Variants in COL2A1 observed in about 807,000 individuals in gnomAD.
The protein encoded by COL2A1 is collagen type II alpha 1 chain, also known as collagen alpha-1(II) chain.
COL2A1 carries 28 observed loss-of-function variants against 204.5 expected under a neutral mutation model. The observed-to-expected ratio is 0.14, with a 90% CI of 0.10 to 0.19. The LOEUF (loss-of-function observed/expected upper bound fraction) is 0.19, where lower values mean the gene tolerates loss of function less well. Among genes scored for constraint, COL2A1 ranks in the 10% least tolerant of loss-of-function variants. COL2A1 has a pLI of 1.00. For synonymous variants in COL2A1, 708 were observed against 718.7 expected (o/e 0.99, Z 0.24); for missense variants, 1,388 against 2,027.5 (o/e 0.68, Z 6.06).
rs906963357 is a variant in COL2A1, at chr12:47,976,161, A to C, written c.3490-91T>G. The C allele has an allele frequency of 1.6e-3, 1,361 of 868,916 alleles. No homozygotes were observed. Among genetic ancestry groups the C allele is most frequent in the Admixed American group, 5.5e-3 (298 of 54,420 alleles). 53.8% of individuals were successfully genotyped at this position (868,916 alleles called of 1,614,324 possible). On this transcript the variant is annotated intron_variant, in intron 49 of 53. Transcript: ENST00000380518. The surrounding 1 kb of genome is among the most constrained non-coding windows in gnomAD (Gnocchi z 4.3). ...CTGGGTAGGTGGCTGTCCTGATAGC[A>C]CCAGCCACTCCGCCCCCAGTTCTTC...
intron 50 of COL2A1, 98 bp from the exon 51 acceptor site, chr12:47,975,703 A>T (rs896437532): frequency 2.9e-6 from 4 of 1,366,322 alleles, no homozygotes; most frequent in Non-Finnish European, 3.0e-6. Context: ...CCCTCTTCCC[A>T]GCCCCATGGG....
chr12:48,002,035 G>T (rs1447056022), intron 1 of COL2A1, among the ~76,000 whole-genome samples: 1 of 152,198 alleles, frequency 6.6e-6, no homozygotes, highest in Non-Finnish European at 1.5e-5. Flanking sequence ...GGGGGTCTGG[G>T]AGTACGAGAG....
intron 37 of COL2A1, 107 bp downstream of exon 37, chr12:47,981,235 TG>T (rs1939062887): frequency 1.6e-6 from 2 of 1,274,010 alleles, no homozygotes; most frequent in Admixed American, 1.9e-5. Flanking sequence ...AGCCAGTGCC[TG>T]GCAGCACACA....
chr12:47,974,482 G>T, intron 52 of COL2A1, 151 bp from the exon 53 acceptor site: 1 of 1,280,160 alleles, frequency 7.8e-7, no homozygotes, highest in Non-Finnish European at 1.1e-6. Flanking sequence ...TCCAGGAGTG[G>T]AGCAAGCTCA....
chr12:47,973,538 A>C lies in COL2A1; in HGVS notation c.4333T>G (p.Trp1445Gly). Residue 1445 changes from tryptophan (W) to glycine (G), a missense_variant, in exon 54 of 54, where the codon TGG becomes GGG. Trp to Gly is a radical substitution (Grantham distance 184). Transcript: ENST00000380518. ...KDGCTKHTGK[W>G]GKTVIEYRSQ... ...CGGTACTCGATAACAGTCTTGCCCC[A>C]CTTACCGGTATGTTTCTAGGGGAGA... 6.2e-7 allele frequency: 1 copy of C among 1,613,940 alleles called. No individual in the cohort carries two copies. The highest frequency in any genetic ancestry group is 8.5e-7 in the Non-Finnish European group (1 of 1,179,988).
rs1939365204 is a variant in COL2A1, at chr12:47,985,793, C to T, written c.1615G>A (p.Ala539Thr). ...APGERGPSGL[A>T]GPKGANGDPG... Reference sequence around the variant, plus strand: ...TCACCGTTGGCTCCCTTGGGGCCAGCAAGACCACTGGGCCCTCGCTCTCCA... The same window carrying T: ...TCACCGTTGGCTCCCTTGGGGCCAGTAAGACCACTGGGCCCTCGCTCTCCA... The change falls in exon 25 of 54, where the codon GCT (alanine) becomes ACT (threonine). Residue 539 changes from alanine to threonine, a missense_variant. By Grantham distance (58) the Ala-to-Thr change is moderately conservative (BLOSUM62 0). Transcript: ENST00000380518. 2 of 1,613,216 alleles carry T rather than the reference C, an allele frequency of 1.2e-6. No individual in the cohort carries two copies. The highest frequency in any genetic ancestry group is 1.7e-6 in the Non-Finnish European group (2 of 1,179,672).
rs1433115662 is a variant in COL2A1 at position 47,993,036 on chromosome 12, T to C, written c.970-105A>G. On this transcript the variant is annotated intron_variant, in intron 15 of 53. Transcript: ENST00000380518. ...TGCGGATACCAGAGGAGAGGGAGGA[T>C]GCCCACACCCAGGAAAACAAGGACC... 1.3e-5 allele frequency: 14 copies of C among 1,086,660 alleles called. No homozygotes were observed. In the East Asian group the frequency reaches 3.5e-4, roughly 27 times the overall value. 67.3% of individuals were successfully genotyped at this position (1,086,660 alleles called of 1,614,324 possible).
At chr12:47,982,773 C>G (rs1939167780) in intron 33 of COL2A1, 75 bp downstream of exon 33, 2 of 1,391,848 alleles carry the variant, frequency 1.4e-6, no homozygotes, top group East Asian at 4.6e-5. Flanking sequence ...TCCTCCTGAG[C>G]CCGCTCCTCT....
In COL2A1 at chr12:47,974,254, T is replaced by C. The variant is rs1481675845; in HGVS notation, c.4152A>G (p.Glu1384=). 6.2e-7 allele frequency: 1 copy of C among 1,614,210 alleles called. No homozygotes were observed. Among genetic ancestry groups the C allele is most frequent in the Non-Finnish European group, 8.5e-7 (1 of 1,180,036 alleles). ...AGTGGTAGGTGATGTTCTGGGAGCC[T>C]TCCGTGGACAGCAGGCGTAGGAAGG... ...QMTFLRLLST[E]GSQNITYHCK... Residue 1384 remains glutamate (E), a synonymous_variant, in exon 53 of 54, where the codon GAA becomes GAG. Transcript: ENST00000380518.
In COL2A1 at chr12:47,997,602, T is replaced by A. The variant is rs754615106; in HGVS notation, c.531+4A>T. The stretch of plus-strand genomic sequence containing the variant: ...CTGAAGGAATGGGAAGTAAGGATAC[T>A]TACTCCACCAAGACCAGGGGGACCA... On this transcript the variant is annotated splice_donor_region_variant and intron_variant, in intron 7 of 53. Transcript: ENST00000380518. 3 of 1,613,788 alleles carry A rather than the reference T, an allele frequency of 1.9e-6. No individual in the cohort carries two copies. The highest frequency in any genetic ancestry group is 2.5e-6 in the Non-Finnish European group (3 of 1,179,986).
chr12:47,996,379 T>C (rs533095183), intron 8 of COL2A1, among the ~76,000 whole-genome samples, 169 bp downstream of exon 8: 3 of 152,328 alleles, frequency 2.0e-5, no homozygotes, highest in Admixed American at 6.5e-5. Flanking sequence ...GTGGCATCCA[T>C]TGCCATTAAA....
At chr12:47,977,880 G>A in intron 44 of COL2A1, 130 bp downstream of exon 44, 1 of 974,206 alleles carries the variant, frequency 1.0e-6, no homozygotes, top group South Asian at 1.4e-5. Context: ...TAGGCTTTCA[G>A]GCCTGTCGGC....
chr12:47,984,974 G>A (rs771404083), intron 27 of COL2A1, 21 bp downstream of exon 27: 204 of 1,603,670 alleles, frequency 1.3e-4, no homozygotes, highest in Non-Finnish European at 1.7e-4. Flanking sequence ...GAAGGAAATA[G>A]AAGAGCAAAT....
At chr12:47,974,971 G>A in intron 51 of COL2A1, 109 bp from the exon 52 acceptor site, 2 of 1,177,652 alleles carry the variant, frequency 1.7e-6, no homozygotes, top group South Asian at 1.5e-5. Flanking sequence ...AGGGACAAGG[G>A]ATGAGGTTCA....
chr12:47,986,377 C>T lies in COL2A1; in HGVS notation c.1486G>A (p.Glu496Lys). Reference protein sequence around the residue: ...GEEGKRGARGEPGGVGPIGPP... With the variant: ...GEEGKRGARGKPGGVGPIGPP... ...CCGATGGGCCCAACGCCACCAGGCT[C>T]TCCACGGGCACCTCTCTTGCCTTCT... is the stretch of plus-strand genomic sequence containing the variant. The change falls in exon 23 of 54, where the codon GAG (glutamate) becomes AAG (lysine). Residue 496 changes from glutamate (E) to lysine (K), a missense_variant. Transcript: ENST00000380518. The T allele has an allele frequency of 6.4e-7, 1 of 1,570,652 alleles. No homozygotes were observed. Among genetic ancestry groups the T allele is most frequent in the Non-Finnish European group, 8.6e-7 (1 of 1,157,298 alleles).
chr12:47,999,563 G>C lies in COL2A1; in HGVS notation c.292+356C>G, dbSNP rs746228008. ...TCGGTGGCAGAGGAGGAATTAATTCGTGGATTGGCCAGACAGAGCATTTGA... is the reference window on the plus strand; with the variant it reads ...TCGGTGGCAGAGGAGGAATTAATTCCTGGATTGGCCAGACAGAGCATTTGA... On this transcript the variant is annotated intron_variant, in intron 2 of 53. Coordinates refer to ENST00000380518, the MANE Select transcript of COL2A1 (RefSeq NM_001844.5). 460 of 262,288 alleles carry C rather than the reference G, an allele frequency of 1.8e-3. 2 individuals are homozygous for C. Among genetic ancestry groups the C allele is most frequent in the Non-Finnish European group, 2.4e-3 (329 of 136,870 alleles). 16.2% of individuals were successfully genotyped at this position (262,288 alleles called of 1,614,324 possible).
intron 52 of COL2A1, 97 bp downstream of exon 52, chr12:47,974,578 A>G (rs1175144715): frequency 2.2e-5 from 31 of 1,423,468 alleles, no homozygotes; most frequent in Non-Finnish European, 2.9e-5. Flanking sequence ...AAACTGGAGG[A>G]AAATATGGGG....
intron 50 of COL2A1, 115 bp downstream of exon 50, chr12:47,975,848 G>A: frequency 1.1e-6 from 1 of 893,578 alleles, no homozygotes. Flanking sequence ...GATAAAGGAT[G>A]CCATCACTGT....
intron 44 of COL2A1, 24 bp downstream of exon 44, chr12:47,977,986 A>G: frequency 1.2e-6 from 2 of 1,605,070 alleles, no homozygotes; most frequent in Non-Finnish European, 1.7e-6. Context: ...AATCAGGGCC[A>G]CCCCAGGGGG....
Sources: allele counts gnomAD v4.1 joint callset (sites outside exome capture counted in the v4.1 genomes callset), GRCh38; gene constraint gnomAD v4.1.1; non-coding constraint Gnocchi (gnomAD v3.1); transcripts MANE v1.5; gene names NCBI Gene and HGNC (gene_info 2026-07-23, HGNC 2026-07-21).